The following CDH13 variants were observed in gnomAD, a reference collection of about 807,000 sequenced individuals.
The protein encoded by CDH13 is cadherin-13.
CDH13 carries 24 observed loss-of-function variants against 63.8 expected under a neutral mutation model. The observed-to-expected ratio is 0.38, with a 90% CI of 0.27 to 0.53. The LOEUF (loss-of-function observed/expected upper bound fraction) is 0.53, where lower values mean the gene tolerates loss of function less well. CDH13 is among the 20% of genes least tolerant of loss of function. The pLI, the probability that CDH13 is intolerant of heterozygous loss-of-function variation, is 0.85. For synonymous variants in CDH13, 503 were observed against 355.3 expected (o/e 1.42, Z -4.67); for missense variants, 1,049 against 903.1 (o/e 1.16, Z -2.07).
At chr16:83,056,735 C>T (rs1286968568) in intron 3 of CDH13, among the ~76,000 whole-genome samples, 1 of 152,144 alleles carries the variant, frequency 6.6e-6, no homozygotes, top group African/African-American at 2.4e-5. Flanking sequence ...CGGGAGGGAT[C>T]CAGTGGCAGG....
intron 3 of CDH13, among the ~76,000 whole-genome samples, chr16:83,053,505 C>G (rs2030602849): frequency 6.6e-6 from 1 of 152,158 alleles, no homozygotes; most frequent in Non-Finnish European, 1.5e-5. Context: ...AACCCAGGAG[C>G]ATAAATTGAT....
intron 8 of CDH13, among the ~76,000 whole-genome samples, chr16:83,615,518 T>C (rs569501966): frequency 1.1e-4 from 16 of 152,282 alleles, no homozygotes; most frequent in African/African-American, 2.9e-4. Context: ...TGAGGCTTTT[T>C]TTTCCTGATA....
chr16:82,934,539 T>C (rs2042604841), intron 2 of CDH13, among the ~76,000 whole-genome samples: 2 of 152,238 alleles, frequency 1.3e-5, no homozygotes, highest in African/African-American at 2.4e-5. Context: ...TTGTTACTTA[T>C]GCAAATTTCT....
intron 1 of CDH13, among the ~76,000 whole-genome samples, chr16:82,661,002 C>A (rs1486369487): frequency 1.3e-5 from 2 of 152,030 alleles, no homozygotes; most frequent in African/African-American, 4.8e-5. Flanking sequence ...ACCACCTTCT[C>A]CCCTCCTGGG....
chr16:82,742,039 T>C (rs1053134390), intron 1 of CDH13, among the ~76,000 whole-genome samples: 12 of 152,204 alleles, frequency 7.9e-5, no homozygotes, highest in African/African-American at 2.9e-4. Context: ...TTTCTTACAA[T>C]ATCAGCCCGG....
chr16:83,531,500 G>A (rs2151633270), intron 7 of CDH13, among the ~76,000 whole-genome samples: 1 of 152,322 alleles, frequency 6.6e-6, no homozygotes. Context: ...GAGTTTCCCT[G>A]CACAAGCCCT....
At chr16:82,909,321 G>T (rs1249407920) in intron 2 of CDH13, among the ~76,000 whole-genome samples, 1 of 150,798 alleles carries the variant, frequency 6.6e-6, no homozygotes, top group South Asian at 2.1e-4. Flanking sequence ...TGATCTAGAA[G>T]TGTTAAATAT....
At chr16:83,459,555 A>G (rs1190991065) in intron 6 of CDH13, among the ~76,000 whole-genome samples, 1 of 152,242 alleles carries the variant, frequency 6.6e-6, no homozygotes. Flanking sequence ...AAGCTAACTA[A>G]TTAAACTTTG....
At chr16:83,301,219 G>C (rs2089734176) in intron 5 of CDH13, among the ~76,000 whole-genome samples, 3 of 151,774 alleles carry the variant, frequency 2.0e-5, no homozygotes, top group African/African-American at 7.3e-5. Flanking sequence ...TTTTAGTAGA[G>C]ATGGGGTTTC....
chr16:82,782,372 C>T (rs1468173499), intron 1 of CDH13, among the ~76,000 whole-genome samples: 1 of 152,022 alleles, frequency 6.6e-6, no homozygotes. Flanking sequence ...CCAGCCTGGC[C>T]AACATGGTGA....
chr16:82,667,831 A>C (rs1439150485), intron 1 of CDH13, among the ~76,000 whole-genome samples: 7 of 152,172 alleles, frequency 4.6e-5, no homozygotes, highest in Middle Eastern at 3.4e-3. Flanking sequence ...TCAGGCATTC[A>C]TGGCTGTGCT....
intron 2 of CDH13, among the ~76,000 whole-genome samples, chr16:83,001,638 A>T (rs1466685003): frequency 6.6e-6 from 1 of 152,182 alleles, no homozygotes; most frequent in Non-Finnish European, 1.5e-5. Flanking sequence ...TGGATGTGCC[A>T]CTCTGAGAAG....
chr16:83,190,006 T>C (rs562585105), intron 4 of CDH13, among the ~76,000 whole-genome samples: 81 of 152,284 alleles, frequency 5.3e-4, no homozygotes, highest in African/African-American at 1.8e-3. Flanking sequence ...TCCGGCATGA[T>C]TGTGAGGCCT....
intron 1 of CDH13, among the ~76,000 whole-genome samples, chr16:82,732,365 G>T (rs936123032): frequency 6.6e-6 from 1 of 152,256 alleles, no homozygotes; most frequent in South Asian, 2.1e-4. Context: ...GTAATAAATG[G>T]CTGTCACTCA....
At chr16:83,028,504 G>A (rs1403304916) in intron 2 of CDH13, among the ~76,000 whole-genome samples, 1 of 152,152 alleles carries the variant, frequency 6.6e-6, no homozygotes, top group East Asian at 1.9e-4. Flanking sequence ...GACTGAGCAG[G>A]GCAATCACAG....
At chr16:83,014,514 A>G (rs956846696) in intron 2 of CDH13, among the ~76,000 whole-genome samples, 4 of 151,084 alleles carry the variant, frequency 2.6e-5, no homozygotes, top group Non-Finnish European at 2.9e-5. Context: ...CGGATAGATC[A>G]CTTGAGGTCA....
intron 2 of CDH13, among the ~76,000 whole-genome samples, chr16:82,975,555 A>C (rs1909381936): frequency 6.6e-6 from 1 of 152,248 alleles, no homozygotes; most frequent in Non-Finnish European, 1.5e-5. Flanking sequence ...AAAGCCCCTA[A>C]TACAGTGAAT....
At chr16:83,191,269 A>G (rs769363257) in intron 4 of CDH13, among the ~76,000 whole-genome samples, 19 of 145,860 alleles carry the variant, frequency 1.3e-4, no homozygotes, top group Non-Finnish European at 2.5e-4. Context: ...ACAAATCACA[A>G]GTGTTAATAG....
chr16:83,507,410 A>G (rs2074426683), intron 7 of CDH13, among the ~76,000 whole-genome samples: 1 of 152,246 alleles, frequency 6.6e-6, no homozygotes, highest in African/African-American at 2.4e-5. Context: ...ATTTAAAGCC[A>G]GTGACATTTT....
Sources: allele counts gnomAD v4.1 joint callset (sites outside exome capture counted in the v4.1 genomes callset), GRCh38; gene constraint gnomAD v4.1.1; transcripts MANE v1.5; gene names NCBI Gene and HGNC (gene_info 2026-07-23, HGNC 2026-07-21).